ADAMTS20: variants seen among roughly 807,000 people sequenced by gnomAD.
ADAMTS20 encodes A disintegrin and metalloproteinase with thrombospondin motifs 20.
Under a neutral mutation model 260.1 loss-of-function variants are expected in ADAMTS20, and 225 were observed. The observed-to-expected ratio is 0.87, with a 90% CI of 0.78 to 0.97. The LOEUF (loss-of-function observed/expected upper bound fraction) is 0.97, where lower values mean the gene tolerates loss of function less well. Ranked by LOEUF, ADAMTS20 falls within the 50% of genes least tolerant of loss-of-function variation. The pLI is 0.00. For synonymous variants in ADAMTS20, 802 were observed against 769.5 expected (o/e 1.04, Z -0.70); for missense variants, 2,400 against 2,337.7 (o/e 1.03, Z -0.55).
rs1262279198 is a variant in ADAMTS20 at position 43,370,922 on chromosome 12, G to A, written c.5447-1541C>T. Among the ~76,000 whole-genome samples the A allele has an allele frequency of 2.0e-5, 3 of 152,066 alleles. No homozygotes were observed. The East Asian group carries it at 5.8e-4, about 29-fold the overall frequency. ...GTACTCATCACTTTTTATCTGAATT[G>A]TTACATTCGCTTCCTAATCATTTTT... On this transcript the variant is annotated intron_variant, in intron 36 of 38. Transcript: ENST00000389420.
At chr12:43,454,226 G>A (rs902814080) in intron 11 of ADAMTS20, among the ~76,000 whole-genome samples, 174 bp from the exon 12 acceptor site, 26 of 152,120 alleles carry the variant, frequency 1.7e-4, no homozygotes, top group African/African-American at 5.8e-4. Flanking sequence ...TACCTACTAA[G>A]ATCTGTGGAA....
Position 43,439,649 on chromosome 12 carries a change from A to C in ADAMTS20, c.2566T>G (p.Trp856Gly). Residue 856 changes from tryptophan (W) to glycine (G), a missense_variant, in exon 18 of 39, where the codon TGG (tryptophan) becomes GGG (glycine). Transcript: ENST00000389420. ...TGACACATTTTGGTACAGCCTTCCCATGGTCCATAGGGGTCCCATGTGAAC... is the reference window on the plus strand; with the variant it reads ...TGACACATTTTGGTACAGCCTTCCCCTGGTCCATAGGGGTCCCATGTGAAC... ...DMFTWDPYGPWEGCTKMCQGL... is the reference protein window; with the variant it reads ...DMFTWDPYGPGEGCTKMCQGL... The C allele has an allele frequency of 6.2e-7, 1 of 1,610,792 alleles. No individual in the cohort carries two copies.
intron 29 of ADAMTS20, among the ~76,000 whole-genome samples, chr12:43,398,351 G>A (rs974608675): frequency 6.6e-6 from 1 of 152,080 alleles, no homozygotes; most frequent in African/African-American, 2.4e-5. Context: ...TATGCCAAGT[G>A]GTATCAATTA....
In ADAMTS20 at chr12:43,468,724, G is replaced by T. The variant is rs777511429; in HGVS notation, c.1118-19C>A. On this transcript the variant is annotated intron_variant, in intron 7 of 38. Transcript: ENST00000389420. ...GATAAACCTGAAAAATTTCACATTTGTATTTCATCAAAATGGAAAACACTA... is the reference window on the plus strand; with the variant it reads ...GATAAACCTGAAAAATTTCACATTTTTATTTCATCAAAATGGAAAACACTA... 1.4e-6 allele frequency: 2 copies of T among 1,400,674 alleles called. No homozygotes were observed. The highest frequency in any genetic ancestry group is 2.0e-6 in the Non-Finnish European group (2 of 1,007,226). The allele number at this position is 1,400,674 out of a possible 1,614,324, so 86.8% of individuals were successfully genotyped here.
chr12:43,369,370 G>C lies in ADAMTS20; in HGVS notation c.5458C>G (p.Leu1820Val), dbSNP rs946618128. Residue 1820 changes from leucine (L) to valine (V), a missense_variant, in exon 37 of 39, where the codon CTT becomes GTT. Leu to Val is a conservative substitution (Grantham distance 32, BLOSUM62 1). Transcript: ENST00000389420. ...TTTCCAAATATTGTTTTGGAAAAAA[G>C]AAGGTCCGTAGCTAGAAAATAATAA... The part of the protein sequence containing the change: ...TSMQIKTTDL[L>V]FSKTIFGNAV... 3.2e-6 allele frequency: 5 copies of C among 1,544,180 alleles called. No homozygotes were observed. Among genetic ancestry groups the C allele is most frequent in the Admixed American group, 2.0e-5 (1 of 50,528 alleles).
At chr12:43,434,953 G>A (rs999714459) in intron 18 of ADAMTS20, among the ~76,000 whole-genome samples, 5 of 151,926 alleles carry the variant, frequency 3.3e-5, no homozygotes, top group Non-Finnish European at 5.9e-5. Flanking sequence ...CTTTCAGCCT[G>A]GAATCATGGA....
chr12:43,431,953 A>G (rs192743357), intron 21 of ADAMTS20, among the ~76,000 whole-genome samples: 3 of 151,462 alleles, frequency 2.0e-5, no homozygotes, highest in Admixed American at 6.6e-5. Flanking sequence ...ATCTCTGCTC[A>G]TTGATACTCC....
At chr12:43,355,063 G>T (rs1939714877) in intron 38 of ADAMTS20, among the ~76,000 whole-genome samples, 1 of 152,164 alleles carries the variant, frequency 6.6e-6, no homozygotes, top group Admixed American at 6.5e-5. Flanking sequence ...ATCTGGAAAA[G>T]GTAATTTTTT....
chr12:43,442,252 A>G (rs1941679634), intron 16 of ADAMTS20, among the ~76,000 whole-genome samples: 1 of 151,050 alleles, frequency 6.6e-6, no homozygotes, highest in Non-Finnish European at 1.5e-5. Flanking sequence ...TTTATTGGTG[A>G]ACATTTCTTT....
At chr12:43,549,812 T>C (rs1354852688) in intron 2 of ADAMTS20, among the ~76,000 whole-genome samples, 1 of 152,160 alleles carries the variant, frequency 6.6e-6, no homozygotes, top group Non-Finnish European at 1.5e-5. Context: ...GAAAAAGAGC[T>C]CACATCCAGG....
At chr12:43,387,190 T>G (rs142521250) in intron 29 of ADAMTS20, among the ~76,000 whole-genome samples, 176 of 152,346 alleles carry the variant, frequency 1.2e-3, no homozygotes, top group Middle Eastern at 0.01. Flanking sequence ...CGTCCTTTTG[T>G]TGATGTTCAT....
At chr12:43,523,905 G>T (rs1374464862) in intron 3 of ADAMTS20, among the ~76,000 whole-genome samples, 1 of 150,800 alleles carries the variant, frequency 6.6e-6, no homozygotes, top group African/African-American at 2.4e-5. Flanking sequence ...ACAAAGGACA[G>T]ACACTTTGGG....
At chr12:43,423,850 A>G (rs1200128762) in intron 28 of ADAMTS20, 1 of 718,798 alleles carries the variant, frequency 1.4e-6, no homozygotes, top group South Asian at 1.5e-5. Context: ...AGTGCTTTCC[A>G]TGGCAAAATA....
chr12:43,468,982 A>T (rs1391461605), intron 7 of ADAMTS20, among the ~76,000 whole-genome samples: 1 of 152,172 alleles, frequency 6.6e-6, no homozygotes, highest in African/African-American at 2.4e-5. Flanking sequence ...AAAAATTTTT[A>T]AAAAGAAAAG....
chr12:43,398,730 G>A (rs1471650301), intron 29 of ADAMTS20, among the ~76,000 whole-genome samples: 2 of 152,096 alleles, frequency 1.3e-5, no homozygotes, highest in Non-Finnish European at 1.5e-5. Flanking sequence ...AAATGACTAG[G>A]CTGGGCACAG....
intron 26 of ADAMTS20, 111 bp downstream of exon 26, chr12:43,428,130 C>A (rs997233896): frequency 2.7e-6 from 3 of 1,114,736 alleles, no homozygotes; most frequent in Admixed American, 2.4e-5. Flanking sequence ...AACTATTGAT[C>A]TTGAAATAAA....
rs147959766 is a variant in ADAMTS20 at position 43,391,673 on chromosome 12, T to A, written c.4452+7393A>T. On this transcript the variant is annotated intron_variant, in intron 29 of 38. Coordinates refer to ENST00000389420, the MANE Select transcript of ADAMTS20 (RefSeq NM_025003.5). ...TCCATTAGTATTCCCAACTGTAATATTATAAGGGGGAAAAATCAGGTTATT... is the reference window on the plus strand; with the variant it reads ...TCCATTAGTATTCCCAACTGTAATAATATAAGGGGGAAAAATCAGGTTATT... Among the ~76,000 whole-genome samples, 221 of 152,242 alleles carry A rather than the reference T, an allele frequency of 1.5e-3. 2 individuals carry two copies. The highest frequency in any genetic ancestry group is 5.0e-3 in the African/African-American group (209 of 41,550).
intron 31 of ADAMTS20, among the ~76,000 whole-genome samples, chr12:43,378,211 C>T (rs999473395): frequency 1.3e-5 from 2 of 152,188 alleles, no homozygotes; most frequent in African/African-American, 4.8e-5. Flanking sequence ...TAATCCATGA[C>T]AGATGAGAAA....
rs748616480 is a variant in ADAMTS20, at chr12:43,452,401, T to C, written c.1952A>G (p.Lys651Arg). 4.3e-6 allele frequency: 7 copies of C among 1,610,354 alleles called. No individual in the cohort carries two copies. The East Asian group carries it at 1.6e-4, about 36-fold the overall frequency. ...CTGACAATAGAGTTTACAACGATCCTTTGTGCCAACTGTAAAAAAGAAAAA... is the reference window on the plus strand; with the variant it reads ...CTGACAATAGAGTTTACAACGATCCCTTGTGCCAACTGTAAAAAAGAAAAA... ...WLPRYSGIGT[K>R]DRCKLYCQVA... The change falls in exon 14 of 39, where the codon AAG (lysine) becomes AGG (arginine). Residue 651 changes from lysine to arginine, a missense_variant. Physicochemically the swap from Lys to Arg is conservative, Grantham distance 26. Transcript: ENST00000389420.
Sources: gnomAD v4.1 joint callset for allele counts (sites outside exome capture counted in the v4.1 genomes callset) on GRCh38, gnomAD v4.1.1 for gene constraint, MANE v1.5 for transcripts, NCBI Gene and HGNC (gene_info 2026-07-23, HGNC 2026-07-21) for gene names.